ATP10B: variants seen among roughly 807,000 people sequenced by gnomAD.
The protein encoded by ATP10B is ATPase phospholipid transporting 10B (putative).
ATP10B carries 122 observed loss-of-function variants against 141.2 expected under a neutral mutation model. The ratio of observed to expected loss-of-function variants is 0.86; its 90% CI spans 0.75 to 1.00. The LOEUF is 1.00. Ranked by LOEUF, ATP10B falls within the 50% of genes least tolerant of loss-of-function variation. ATP10B has a pLI of 0.00. For missense variants in ATP10B, 1,876 were observed against 1,825.3 expected, an observed-to-expected ratio of 1.03 and a Z score of -0.51; for synonymous variants, 685 against 692.0, an observed-to-expected ratio of 0.99 and a Z score of 0.16.
intron 2 of ATP10B, among the ~76,000 whole-genome samples, chr5:160,731,959 C>T (rs540889593): frequency 6.6e-6 from 1 of 152,240 alleles, no homozygotes; most frequent in South Asian, 2.1e-4. Flanking sequence ...CATATTTAAC[C>T]TTCATTATAT....
intron 1 of ATP10B, among the ~76,000 whole-genome samples, chr5:160,800,566 T>C (rs1772308714): frequency 6.6e-6 from 1 of 152,230 alleles, no homozygotes; most frequent in Non-Finnish European, 1.5e-5. Flanking sequence ...CTAACTACAG[T>C]GTTTTGTACA....
intron 1 of ATP10B, among the ~76,000 whole-genome samples, chr5:160,834,577 G>A (rs1312014780): frequency 1.3e-5 from 2 of 152,070 alleles, no homozygotes; most frequent in African/African-American, 4.8e-5. Context: ...GATAAATATG[G>A]ATAAAACTGA....
intron 1 of ATP10B, among the ~76,000 whole-genome samples, chr5:160,837,199 G>C (rs1046381267): frequency 6.6e-6 from 1 of 152,092 alleles, no homozygotes; most frequent in Non-Finnish European, 1.5e-5. Context: ...TTCCCAACTA[G>C]AAAGGTCTTA....
chr5:160,791,827 G>C (rs1771593578), intron 1 of ATP10B, among the ~76,000 whole-genome samples: 1 of 152,142 alleles, frequency 6.6e-6, no homozygotes. Context: ...TATCACTAAG[G>C]AAATAAGAGA....
At chr5:160,577,730 G>A (rs930993487) in intron 24 of ATP10B, among the ~76,000 whole-genome samples, 2 of 151,890 alleles carry the variant, frequency 1.3e-5, no homozygotes, top group African/African-American at 4.8e-5. Context: ...AGTTTGTTAG[G>A]TTTTATGTGG....
At chr5:160,818,573 T>C (rs1412763306) in intron 1 of ATP10B, among the ~76,000 whole-genome samples, 12 of 152,334 alleles carry the variant, frequency 7.9e-5, no homozygotes, top group Admixed American at 7.8e-4. Flanking sequence ...AGTTCAACCA[T>C]TGTGGAAGTC....
At chr5:160,796,913 A>G (rs1183046882) in intron 1 of ATP10B, among the ~76,000 whole-genome samples, 4 of 152,308 alleles carry the variant, frequency 2.6e-5, no homozygotes, top group Non-Finnish European at 5.9e-5. Flanking sequence ...CCCCAGGAAT[A>G]TCAGGATTTT....
chr5:160,917,269 CTTT>C, the ATP10B span, among the ~76,000 whole-genome samples: 57 of 127,614 alleles, frequency 4.5e-4, 1 homozygote, highest in South Asian at 6.7e-3. Context: ...TAGGGTACTT[CTTT>C]TTTTTTTTTT....
At chr5:160,670,378 CA>C in intron 7 of ATP10B, 84 bp downstream of exon 7, 2 of 1,356,024 alleles carry the variant, frequency 1.5e-6, no homozygotes, top group Admixed American at 1.7e-5. Context: ...CCCCTCTACC[CA>C]GTAGGTTTAG....
rs781676523 is a variant in ATP10B, at chr5:160,620,946, GT to G, written c.1816del (p.Thr606ProfsTer23). On this transcript the variant is annotated frameshift_variant, in exon 15 of 26. Transcript: ENST00000327245. LOFTEE classifies it high-confidence loss of function. ...CAGAGCCTTGCTTGAGGGTTTGATG[GT>G]GACCTTGTGGCCAAAGAAGGAAAGT... ...STTTEPRQRV[T>X]IKPSSKALGT... 1.9e-6 allele frequency: 3 copies of G among 1,609,348 alleles called. No homozygotes were observed. Among genetic ancestry groups the G allele is most frequent in the Non-Finnish European group, 1.7e-6 (2 of 1,177,294 alleles).
chr5:160,565,415 G>A lies in ATP10B; in HGVS notation c.*38C>T. On this transcript the variant is annotated 3_prime_UTR_variant, in exon 26 of 26. Transcript: ENST00000327245. ...AAGGGTTATGTGGACCAGTGACTAGGTGGCCTCTGTTGAGTTTGTACAGAT... is the reference window on the plus strand; with the variant it reads ...AAGGGTTATGTGGACCAGTGACTAGATGGCCTCTGTTGAGTTTGTACAGAT... The A allele has an allele frequency of 1.3e-6, 2 of 1,593,414 alleles. No homozygotes were observed. The highest frequency in any genetic ancestry group is 8.6e-7 in the Non-Finnish European group (1 of 1,164,442).
At chr5:160,782,434 TCC>T (rs1491544903) in intron 2 of ATP10B, among the ~76,000 whole-genome samples, 1 of 122,932 alleles carries the variant, frequency 8.1e-6, no homozygotes, top group African/African-American at 3.1e-5. Flanking sequence ...ATTTTCTTCC[TCC>T]ATACACACAC....
intron 1 of ATP10B, among the ~76,000 whole-genome samples, chr5:160,823,882 AC>A (rs1198134965): frequency 1.3e-5 from 2 of 152,146 alleles, no homozygotes; most frequent in Non-Finnish European, 2.9e-5. Flanking sequence ...AAATATATAC[AC>A]CTACAATGTA....
At chr5:160,611,141 G>T (rs1488167002) in intron 18 of ATP10B, among the ~76,000 whole-genome samples, 1 of 152,158 alleles carries the variant, frequency 6.6e-6, no homozygotes, top group African/African-American at 2.4e-5. Context: ...GAGCCCAAGG[G>T]TGTAGGCATG....
intron 13 of ATP10B, among the ~76,000 whole-genome samples, chr5:160,623,107 C>G (rs1581216380): frequency 6.6e-6 from 1 of 152,240 alleles, no homozygotes; most frequent in Non-Finnish European, 1.5e-5. Flanking sequence ...GGACCCTCAG[C>G]TCAGCCTGGT....
chr5:160,861,744 C>T, the ATP10B span, among the ~76,000 whole-genome samples: 5 of 151,916 alleles, frequency 3.3e-5, no homozygotes, highest in Admixed American at 1.3e-4. Flanking sequence ...CATACCTTTT[C>T]GAATCAGGGC....
At chr5:160,641,391 T>C (rs894567886) in intron 9 of ATP10B, among the ~76,000 whole-genome samples, 1 of 152,216 alleles carries the variant, frequency 6.6e-6, no homozygotes, top group Non-Finnish European at 1.5e-5. Context: ...GCACTAACCC[T>C]GGGCAGCTCC....
the ATP10B span, among the ~76,000 whole-genome samples, chr5:160,871,665 C>A: frequency 0.46 from 69,204 of 151,964 alleles, 17,751 homozygotes; most frequent in East Asian, 0.67. Context: ...GAATAGTCTC[C>A]AATCTCATTC....
the ATP10B span, among the ~76,000 whole-genome samples, chr5:160,887,165 T>C: frequency 6.6e-6 from 1 of 152,222 alleles, no homozygotes; most frequent in African/African-American, 2.4e-5. Flanking sequence ...TGTGGAGGAT[T>C]GGTCCTAGGA....
Sources: gnomAD v4.1 joint callset for allele counts (sites outside exome capture counted in the v4.1 genomes callset) on GRCh38, gnomAD v4.1.1 for gene constraint, MANE v1.5 for transcripts, NCBI Gene and HGNC (gene_info 2026-07-23, HGNC 2026-07-21) for gene names.